STX12: variants seen among roughly 807,000 people sequenced by gnomAD.
STX12 encodes the protein syntaxin 12, also known as syntaxin-12.
STX12 carries 17 observed loss-of-function variants against 42.2 expected under a neutral mutation model. That is an observed-to-expected ratio of 0.40 (90% CI 0.28 to 0.60). STX12 has a LOEUF of 0.60. Among genes scored for constraint, STX12 ranks in the 20% least tolerant of loss-of-function variants. The pLI, the probability that STX12 is intolerant of heterozygous loss-of-function variation, is 0.39. For synonymous variants in STX12, 108 were observed against 116.7 expected (o/e 0.93, Z 0.48); for missense variants, 297 against 330.9 (o/e 0.90, Z 0.79).
chr1:27,790,358 G>T (rs924610071), intron 2 of STX12, among the ~76,000 whole-genome samples: 2 of 152,164 alleles, frequency 1.3e-5, no homozygotes, highest in Non-Finnish European at 2.9e-5. Context: ...ATCTGAGCAG[G>T]TTGCTGCTGC....
intron 8 of STX12, among the ~76,000 whole-genome samples, chr1:27,821,424 T>G (rs2088983671): frequency 6.6e-6 from 1 of 152,050 alleles, no homozygotes; most frequent in South Asian, 2.1e-4. Context: ...AAACATTAAG[T>G]GAGGAAAAAC....
intron 4 of STX12, among the ~76,000 whole-genome samples, chr1:27,808,330 T>G (rs1471314282): frequency 7.0e-6 from 1 of 143,620 alleles, no homozygotes; most frequent in Non-Finnish European, 1.5e-5. Flanking sequence ...TTTATTTATT[T>G]ATTTATTTAT....
intron 5 of STX12, among the ~76,000 whole-genome samples, chr1:27,811,311 A>G (rs1557806339): frequency 1.3e-5 from 2 of 149,944 alleles, no homozygotes; most frequent in South Asian, 2.1e-4. Flanking sequence ...CCGTCTCAAA[A>G]AAAAAAAAAA....
Position 27,801,716 on chromosome 1 carries a change from C to T in STX12, c.327C>T (p.Asp109=). 1 of 1,576,492 alleles carries T rather than the reference C, an allele frequency of 6.3e-7. No homozygotes were observed. Among genetic ancestry groups the T allele is most frequent in the Non-Finnish European group, 8.6e-7 (1 of 1,166,952 alleles). Residue 109 remains aspartate (D), a synonymous_variant, in exon 4 of 9, where the codon GAC becomes GAT. Transcript: ENST00000373943. ...QRLQKERLMN[D]FSAALNNFQA... is the part of the protein sequence containing the mutation. ...TTCAGAAGGAACGCCTCATGAATGA[C>T]TTCTCTGCAGCCTTAAACAATTTCC...
rs534735798 is a variant in STX12 at position 27,773,692 on chromosome 1, C to G, written c.118+267C>G. 8.5e-5 allele frequency among the ~76,000 whole-genome samples: 13 copies of G among 152,306 alleles called. No individual in the cohort carries two copies. The East Asian group carries it at 2.5e-3, about 29-fold the overall frequency. ...GGACCAAAACAGCCGACTTGACAGC[C>G]CGAGGGTGGGAAGGGGAGTGTGTGT... is the stretch of plus-strand genomic sequence containing the variant. On this transcript the variant is annotated intron_variant, in intron 1 of 8. Coordinates refer to ENST00000373943, the MANE Select transcript of STX12 (RefSeq NM_177424.3).
chr1:27,818,417 A>C (rs1034659842), intron 7 of STX12, among the ~76,000 whole-genome samples: 1 of 151,938 alleles, frequency 6.6e-6, no homozygotes, highest in Non-Finnish European at 1.5e-5. Flanking sequence ...TAGTCATATC[A>C]GCTATAGAGT....
At chr1:27,810,761 G>A (rs992139299) in intron 5 of STX12, among the ~76,000 whole-genome samples, 1 of 152,146 alleles carries the variant, frequency 6.6e-6, no homozygotes, top group African/African-American at 2.4e-5. Context: ...TCACATGGAA[G>A]TGTATTTGTG....
intron 7 of STX12, among the ~76,000 whole-genome samples, chr1:27,818,274 G>A (rs1219186570): frequency 1.3e-5 from 2 of 151,932 alleles, no homozygotes; most frequent in East Asian, 1.9e-4. Flanking sequence ...CCAGCTACTC[G>A]GGAGGCTGAG....
intron 1 of STX12, among the ~76,000 whole-genome samples, chr1:27,779,293 T>A (rs988155006): frequency 3.9e-5 from 6 of 152,122 alleles, no homozygotes; most frequent in African/African-American, 1.4e-4. Flanking sequence ...CTAAAGTGGC[T>A]CTCTGTTGTC....
chr1:27,801,457 G>C (rs2088828040), intron 3 of STX12, among the ~76,000 whole-genome samples: 1 of 151,848 alleles, frequency 6.6e-6, no homozygotes, highest in Non-Finnish European at 1.5e-5. Flanking sequence ...CCAGTTCCAG[G>C]TTTGTCAGAA....
chr1:27,780,463 C>T (rs1428501638), intron 1 of STX12, among the ~76,000 whole-genome samples: 1 of 152,138 alleles, frequency 6.6e-6, no homozygotes, highest in African/African-American at 2.4e-5. Context: ...CTGCCTTGCC[C>T]TCCCAGAGTG....
chr1:27,777,800 T>C (rs930503158), intron 1 of STX12, among the ~76,000 whole-genome samples: 1 of 152,076 alleles, frequency 6.6e-6, no homozygotes, highest in African/African-American at 2.4e-5. Context: ...GGCAGGAGAA[T>C]TGCTTGAATC....
chr1:27,801,331 C>T (rs531299140), intron 3 of STX12, among the ~76,000 whole-genome samples: 5 of 151,386 alleles, frequency 3.3e-5, no homozygotes, highest in African/African-American at 1.2e-4. Context: ...TGAACACGGG[C>T]GGCAGAGGTT....
intron 2 of STX12, among the ~76,000 whole-genome samples, chr1:27,791,751 G>A (rs1571520964): frequency 6.6e-6 from 1 of 152,042 alleles, no homozygotes; most frequent in Non-Finnish European, 1.5e-5. Context: ...GGAGGCGGAG[G>A]TTGCAGTGAG....
rs1439900666 is a variant in STX12 at position 27,810,278 on chromosome 1, C to G, written c.459C>G (p.Val153=). 4 of 1,613,406 alleles carry G rather than the reference C, an allele frequency of 2.5e-6. No individual in the cohort carries two copies. Among genetic ancestry groups the G allele is most frequent in the Non-Finnish European group, 3.4e-6 (4 of 1,179,586 alleles). Residue 153 remains valine, a synonymous_variant, in exon 5 of 9, where the codon GTC becomes GTG. Transcript: ENST00000373943. The part of the protein sequence containing the change: ...AEERQREEQL[V]SFDSHEEWNQ... ...AGAGGCAAAGAGAGGAGCAGCTGGT[C>G]TCATTTGACAGGTAATAGAATTATT...
intron 8 of STX12, among the ~76,000 whole-genome samples, chr1:27,821,831 A>C (rs950752161): frequency 1.3e-5 from 2 of 152,184 alleles, no homozygotes; most frequent in African/African-American, 4.8e-5. Flanking sequence ...AGCCTGGCCA[A>C]CACTGGTGAA....
At chr1:27,811,000 A>G (rs747669465) in intron 5 of STX12, among the ~76,000 whole-genome samples, 3 of 152,132 alleles carry the variant, frequency 2.0e-5, no homozygotes, top group South Asian at 4.1e-4. Context: ...TATAATAAGT[A>G]ATATGTTTTC....
intron 7 of STX12, 54 bp from the exon 8 acceptor site, chr1:27,819,596 G>T: frequency 6.8e-7 from 1 of 1,475,744 alleles, no homozygotes; most frequent in Non-Finnish European, 9.4e-7. Flanking sequence ...TGTTCAATTT[G>T]CAGTCTTAAA....
At chr1:27,779,890 C>G (rs949053308) in intron 1 of STX12, among the ~76,000 whole-genome samples, 2 of 151,950 alleles carry the variant, frequency 1.3e-5, no homozygotes, top group African/African-American at 2.4e-5. Flanking sequence ...CTCCCAGGTT[C>G]AAGCGATCCT....
Sources: gnomAD v4.1 joint callset for allele counts (sites outside exome capture counted in the v4.1 genomes callset) on GRCh38, gnomAD v4.1.1 for gene constraint, MANE v1.5 for transcripts, NCBI Gene and HGNC (gene_info 2026-07-23, HGNC 2026-07-21) for gene names.